RAB3GAP1: variants seen among roughly 807,000 people sequenced by gnomAD.
RAB3GAP1 encodes RAB3 GTPase activating protein catalytic subunit 1.
In RAB3GAP1, 86 loss-of-function variants were observed where a neutral mutation model predicts 130.7. The ratio of observed to expected loss-of-function variants is 0.66; its 90% CI spans 0.55 to 0.79. The LOEUF (loss-of-function observed/expected upper bound fraction) is 0.79, where lower values mean the gene tolerates loss of function less well. Among genes scored for constraint, RAB3GAP1 ranks in the 30% least tolerant of loss-of-function variants. RAB3GAP1 has a pLI of 0.00. For missense variants in RAB3GAP1, 1,029 were observed against 1,169.4 expected (o/e 0.88, Z 1.75); for synonymous variants, 367 against 401.7 (o/e 0.91, Z 1.03).
At position 135,150,408 on chromosome 2, in the gene RAB3GAP1, TC is replaced by T; in HGVS notation, c.1964del (p.Ser655LeufsTer4). ...PMTEDLLEEQ[S>X]EVLAKLGTSA... ...GACAGAAGATCTGCTAGAAGAGCAGTCTGAAGTTTTAGCTAAATTAGGTACA... is the reference window on the plus strand; with the variant it reads ...GACAGAAGATCTGCTAGAAGAGCAGTTGAAGTTTTAGCTAAATTAGGTACA... On this transcript the variant is annotated frameshift_variant, in exon 18 of 24. Transcript: ENST00000264158. LOFTEE classifies it high-confidence loss of function. 6.2e-7 allele frequency: 1 copy of T among 1,614,190 alleles called. No homozygotes were observed. Among genetic ancestry groups the T allele is most frequent in the Non-Finnish European group, 8.5e-7 (1 of 1,180,028 alleles).
At chr2:135,163,359 T>C (rs1256444582) in intron 22 of RAB3GAP1, among the ~76,000 whole-genome samples, 1 of 152,202 alleles carries the variant, frequency 6.6e-6, no homozygotes. Flanking sequence ...CTTGGTTTGC[T>C]CTTGGAGATG....
At chr2:135,150,712 A>T (rs1479732848) in intron 18 of RAB3GAP1, among the ~76,000 whole-genome samples, 1 of 152,238 alleles carries the variant, frequency 6.6e-6, no homozygotes, top group Non-Finnish European at 1.5e-5. Flanking sequence ...AAGATCTAGT[A>T]TTATTAATAG....
chr2:135,130,667 C>A lies in RAB3GAP1; in HGVS notation c.1182C>A (p.His394Gln). 1.9e-6 allele frequency: 3 copies of A among 1,613,774 alleles called. No homozygotes were observed. Among genetic ancestry groups the A allele is most frequent in the Non-Finnish European group, 2.5e-6 (3 of 1,179,736 alleles). ...VHTAKKKIRK[H>Q]RGVEESPLNN... is the part of the protein sequence containing the mutation. ...CTGCAAAGAAGAAAATCCGAAAACA[C>A]AGAGGTGTAGAGGAGTCACCGCTAA... The change falls in exon 13 of 24, where the codon CAC becomes CAA. Residue 394 changes from histidine to glutamine, a missense_variant. Transcript: ENST00000264158.
At chr2:135,109,876 C>T (rs1382485957) in intron 5 of RAB3GAP1, among the ~76,000 whole-genome samples, 1 of 152,184 alleles carries the variant, frequency 6.6e-6, no homozygotes, top group African/African-American at 2.4e-5. Context: ...GCCACCGCTC[C>T]CGGCCTTTGT....
chr2:135,123,004 C>T (rs1416484093), intron 8 of RAB3GAP1, among the ~76,000 whole-genome samples: 1 of 152,154 alleles, frequency 6.6e-6, no homozygotes, highest in African/African-American at 2.4e-5. Flanking sequence ...GCTGGAATTA[C>T]AGGTTTGAGC....
intron 3 of RAB3GAP1, among the ~76,000 whole-genome samples, chr2:135,066,838 G>A (rs1331983353): frequency 6.6e-6 from 1 of 152,122 alleles, no homozygotes; most frequent in Admixed American, 6.5e-5. Flanking sequence ...GAAATGTTAA[G>A]TTTAGGTATG....
At chr2:135,057,767 T>C (rs571188693) in intron 2 of RAB3GAP1, among the ~76,000 whole-genome samples, 4 of 152,338 alleles carry the variant, frequency 2.6e-5, no homozygotes, top group African/African-American at 9.6e-5. Context: ...TTACATTTTA[T>C]AGAAGGCAGA....
At chr2:135,168,048 C>T (rs771172293) in intron 23 of RAB3GAP1, among the ~76,000 whole-genome samples, 10 of 152,208 alleles carry the variant, frequency 6.6e-5, no homozygotes, top group Non-Finnish European at 1.2e-4. Context: ...TTCGGCATCA[C>T]ATTAGCTGCC....
chr2:135,111,271 A>C (rs1260660076), intron 5 of RAB3GAP1, among the ~76,000 whole-genome samples: 1 of 152,208 alleles, frequency 6.6e-6, no homozygotes, highest in East Asian at 1.9e-4. Context: ...AAATGAGTAA[A>C]ATCTCTCATA....
chr2:135,137,050 A>G (rs552941071), intron 17 of RAB3GAP1: 14 of 255,956 alleles, frequency 5.5e-5, no homozygotes, highest in African/African-American at 3.2e-4. Flanking sequence ...TGATGACACC[A>G]CTGTACTCCA....
At chr2:135,105,764 C>T (rs1460531883) in intron 5 of RAB3GAP1, among the ~76,000 whole-genome samples, 1 of 149,634 alleles carries the variant, frequency 6.7e-6, no homozygotes, top group Non-Finnish European at 1.5e-5. Flanking sequence ...TCTTCCCAGC[C>T]GCCATCCTGT....
At chr2:135,161,350 A>G (rs146164130) in intron 19 of RAB3GAP1, among the ~76,000 whole-genome samples, 98 of 152,320 alleles carry the variant, frequency 6.4e-4, no homozygotes, top group African/African-American at 2.2e-3. Context: ...TGAGTAAACT[A>G]TAGCATATTG....
intron 6 of RAB3GAP1, 52 bp from the exon 7 acceptor site, chr2:135,115,164 G>T (rs1558782925): frequency 4.6e-6 from 7 of 1,530,172 alleles, no homozygotes; most frequent in Non-Finnish European, 5.4e-6. Flanking sequence ...TGAGGTTCAG[G>T]TTTAATGTTT....
At chr2:135,113,039 T>G (rs778686996) in intron 5 of RAB3GAP1, 112 bp from the exon 6 acceptor site, 6 of 1,473,544 alleles carry the variant, frequency 4.1e-6, no homozygotes, top group Non-Finnish European at 5.7e-6. Flanking sequence ...CACTTTTAGT[T>G]TAAACCTGAC....
chr2:135,139,930 A>T (rs144918397), intron 17 of RAB3GAP1, among the ~76,000 whole-genome samples: 185 of 152,254 alleles, frequency 1.2e-3, no homozygotes, highest in African/African-American at 3.3e-3. Context: ...CAGTTTTTGA[A>T]CCTTTTAAAT....
chr2:135,057,813 T>C (rs1442918039), intron 2 of RAB3GAP1, among the ~76,000 whole-genome samples, 198 bp from the exon 3 acceptor site: 1 of 152,232 alleles, frequency 6.6e-6, no homozygotes, highest in African/African-American at 2.4e-5. Context: ...TATAAATGAA[T>C]CAAAACCTAA....
At chr2:135,077,393 T>C (rs1325797454) in intron 3 of RAB3GAP1, among the ~76,000 whole-genome samples, 2 of 151,798 alleles carry the variant, frequency 1.3e-5, no homozygotes, top group South Asian at 2.1e-4. Context: ...TCTACTTGCT[T>C]TCAGTTCCTT....
chr2:135,159,097 A>G (rs1692395489), intron 19 of RAB3GAP1, among the ~76,000 whole-genome samples: 1 of 152,228 alleles, frequency 6.6e-6, no homozygotes, highest in Non-Finnish European at 1.5e-5. Flanking sequence ...TACAAAATAA[A>G]TATCCTTGAG....
intron 3 of RAB3GAP1, among the ~76,000 whole-genome samples, chr2:135,080,660 C>T (rs186018356): frequency 6.4e-4 from 97 of 152,326 alleles, no homozygotes; most frequent in African/African-American, 2.3e-3. Context: ...TGGTTTTTCA[C>T]TTAACAGTTG....
Sources: gnomAD v4.1 joint callset for allele counts (sites outside exome capture counted in the v4.1 genomes callset) on GRCh38, gnomAD v4.1.1 for gene constraint, MANE v1.5 for transcripts, NCBI Gene and HGNC (gene_info 2026-07-23, HGNC 2026-07-21) for gene names.